PRKG1: variants seen among roughly 807,000 people sequenced by gnomAD.
PRKG1 encodes protein kinase cGMP-dependent 1, also known as cGMP-dependent protein kinase 1.
In PRKG1, 35 loss-of-function variants were observed where a neutral mutation model predicts 88.1. The ratio of observed to expected loss-of-function variants is 0.40; its 90% CI spans 0.30 to 0.53. PRKG1 has a LOEUF of 0.53. PRKG1 is among the 20% of genes least tolerant of loss of function. The pLI is 0.59. For synonymous variants in PRKG1, 303 were observed against 292.5 expected, an observed-to-expected ratio of 1.04 and a Z score of -0.37; for missense variants, 540 against 839.8, an observed-to-expected ratio of 0.64 and a Z score of 4.41.
intron 4 of PRKG1, among the ~76,000 whole-genome samples, chr10:51,824,900 C>G (rs1229217752): frequency 6.6e-6 from 1 of 152,130 alleles, no homozygotes; most frequent in Non-Finnish European, 1.5e-5. Flanking sequence ...TAATGAGGAT[C>G]ACATTTCAAC....
chr10:51,450,647 C>G (rs576579125), intron 2 of PRKG1, among the ~76,000 whole-genome samples: 135 of 151,936 alleles, frequency 8.9e-4, no homozygotes, highest in African/African-American at 2.8e-3. Context: ...TATGGAAAAT[C>G]TAAAGAAAAT....
intron 3 of PRKG1, among the ~76,000 whole-genome samples, chr10:51,644,371 C>T (rs534297368): frequency 7.9e-5 from 12 of 152,194 alleles, no homozygotes; most frequent in South Asian, 2.1e-4. Context: ...ATGCAGTTCA[C>T]GCTTAATGTC....
At chr10:51,221,280 T>A (rs1222424950) in intron 2 of PRKG1, among the ~76,000 whole-genome samples, 2 of 152,118 alleles carry the variant, frequency 1.3e-5, no homozygotes, top group Non-Finnish European at 2.9e-5. Flanking sequence ...TAAAATAGTC[T>A]CTCACATCAC....
chr10:51,040,310 TC>T (rs1377018645), intron 1 of PRKG1, among the ~76,000 whole-genome samples: 5 of 102,440 alleles, frequency 4.9e-5, no homozygotes, highest in Admixed American at 1.2e-4. Flanking sequence ...TTTCTTTTTC[TC>T]TTTTTTTTTT....
chr10:51,539,943 T>C (rs1842259531), intron 3 of PRKG1, among the ~76,000 whole-genome samples: 1 of 152,238 alleles, frequency 6.6e-6, no homozygotes, highest in African/African-American at 2.4e-5. Context: ...CAATGTCTTC[T>C]TTTGCCTTCA....
At chr10:51,457,538 G>A (rs1407322459) in intron 2 of PRKG1, among the ~76,000 whole-genome samples, 1 of 152,182 alleles carries the variant, frequency 6.6e-6, no homozygotes, top group Non-Finnish European at 1.5e-5. Flanking sequence ...ACTTATCCAT[G>A]TAACCAAAAA....
chr10:51,343,159 C>A (rs1388001364), intron 2 of PRKG1, among the ~76,000 whole-genome samples: 3 of 152,196 alleles, frequency 2.0e-5, no homozygotes, highest in Non-Finnish European at 4.4e-5. Flanking sequence ...TCTCTTTCAA[C>A]AACATAGATC....
intron 3 of PRKG1, among the ~76,000 whole-genome samples, chr10:51,611,364 C>T: frequency 6.6e-6 from 1 of 151,662 alleles, no homozygotes. Context: ...TTTGCATTTC[C>T]CTGATGATTA....
intron 4 of PRKG1, among the ~76,000 whole-genome samples, chr10:51,849,702 T>C (rs59631360): frequency 0.026 from 4,020 of 152,286 alleles, 202 homozygotes; most frequent in African/African-American, 0.091. Flanking sequence ...TATTTCATGA[T>C]TATTGTCATA....
At chr10:51,324,658 G>A (rs1336033796) in intron 2 of PRKG1, among the ~76,000 whole-genome samples, 4 of 151,924 alleles carry the variant, frequency 2.6e-5, no homozygotes, top group Admixed American at 6.6e-5. Context: ...GGACAATGGC[G>A]TGAACCTGGG....
At chr10:51,671,398 G>C (rs544728666) in intron 3 of PRKG1, among the ~76,000 whole-genome samples, 1 of 152,186 alleles carries the variant, frequency 6.6e-6, no homozygotes, top group Admixed American at 6.5e-5. Flanking sequence ...AATGTTGGCA[G>C]GGCCATGATC....
chr10:51,594,734 G>A (rs1277390575), intron 3 of PRKG1, among the ~76,000 whole-genome samples: 1 of 152,154 alleles, frequency 6.6e-6, no homozygotes, highest in Non-Finnish European at 1.5e-5. Context: ...ACAGTGGCCT[G>A]GGGGATGTGG....
intron 4 of PRKG1, among the ~76,000 whole-genome samples, chr10:51,807,110 G>A (rs1394199188): frequency 6.6e-6 from 1 of 152,042 alleles, no homozygotes. Context: ...TTAGAACTAG[G>A]GTTATTTCTT....
chr10:52,181,419 C>CTTTTTTTTTTTTTTT (rs761799361), intron 9 of PRKG1, among the ~76,000 whole-genome samples: 1 of 55,066 alleles, frequency 1.8e-5, no homozygotes, highest in African/African-American at 5.7e-5. Context: ...CACAGCTCTT[C>CTTTTTTTTTTTTTTT]TTTTTTTTTT....
intron 2 of PRKG1, among the ~76,000 whole-genome samples, chr10:51,379,592 AT>A (rs1401191480): frequency 6.6e-6 from 1 of 152,124 alleles, no homozygotes; most frequent in Non-Finnish European, 1.5e-5. Flanking sequence ...GTAGCTGGAC[AT>A]TTTGGTTATT....
intron 3 of PRKG1, among the ~76,000 whole-genome samples, chr10:51,632,580 G>T (rs532289635): frequency 6.6e-6 from 1 of 152,134 alleles, no homozygotes; most frequent in East Asian, 1.9e-4. Flanking sequence ...TAGGTTAATC[G>T]TATCTATCTG....
At chr10:52,159,766 G>T (rs1055619969) in intron 8 of PRKG1, among the ~76,000 whole-genome samples, 2 of 151,510 alleles carry the variant, frequency 1.3e-5, no homozygotes, top group African/African-American at 4.8e-5. Context: ...AGGAAGACAG[G>T]ATTTTTTTAA....
chr10:51,017,696 A>T (rs10822101), intron 1 of PRKG1, among the ~76,000 whole-genome samples: 4 of 152,068 alleles, frequency 2.6e-5, no homozygotes, highest in East Asian at 1.9e-4. Flanking sequence ...CAATCTTTAC[A>T]TTGGGATAGG....
intron 5 of PRKG1, among the ~76,000 whole-genome samples, chr10:51,968,041 C>T (rs1477263265): frequency 6.6e-6 from 1 of 152,144 alleles, no homozygotes; most frequent in Non-Finnish European, 1.5e-5. Context: ...TAGCCGTTTC[C>T]TTCTTACTAA....
Sources: allele counts gnomAD v4.1 joint callset (sites outside exome capture counted in the v4.1 genomes callset), GRCh38; gene constraint gnomAD v4.1.1; transcripts MANE v1.5; gene names NCBI Gene and HGNC (gene_info 2026-07-23, HGNC 2026-07-21).